Variants in PSMA1 observed in about 807,000 individuals in gnomAD.
The protein encoded by PSMA1 is proteasome 20S subunit alpha 1, also known as proteasome subunit alpha type-1.
PSMA1 carries 3 observed loss-of-function variants against 38.4 expected under a neutral mutation model. The ratio of observed to expected loss-of-function variants is 0.08; its 90% CI spans 0.04 to 0.20. PSMA1 has a LOEUF of 0.20. Among genes scored for constraint, PSMA1 ranks in the 10% least tolerant of loss-of-function variants. The pLI is 1.00. For missense variants in PSMA1, 227 were observed against 325.3 expected (o/e 0.70, Z 2.32); for synonymous variants, 101 against 107.1 (o/e 0.94, Z 0.35).
At chr11:14,512,888 TGTCCAA>T (rs536172552) in intron 7 of PSMA1, among the ~76,000 whole-genome samples, 3 of 152,352 alleles carry the variant, frequency 2.0e-5, no homozygotes, top group African/African-American at 7.2e-5. Context: ...CAAGCTTATT[TGTCCAA>T]GGAATCCTCT....
chr11:14,558,189 G>C (rs1023423913), intron 2 of PSMA1, among the ~76,000 whole-genome samples: 25 of 140,648 alleles, frequency 1.8e-4, no homozygotes, highest in African/African-American at 5.1e-4. Flanking sequence ...ACGGTGGGGG[G>C]ACTGCTTAAG....
intron 2 of PSMA1, among the ~76,000 whole-genome samples, chr11:14,603,849 T>G (rs1333188737): frequency 6.6e-6 from 1 of 152,206 alleles, no homozygotes; most frequent in Admixed American, 6.5e-5. Context: ...TCAAGAAATA[T>G]TCCAGGAATT....
chr11:14,510,569 C>G (rs1035146752), intron 8 of PSMA1, among the ~76,000 whole-genome samples: 1 of 152,106 alleles, frequency 6.6e-6, no homozygotes. Flanking sequence ...TAGAAAGTGC[C>G]TGCACATGGT....
At chr11:14,603,608 T>C (rs1852610063) in intron 2 of PSMA1, among the ~76,000 whole-genome samples, 1 of 152,234 alleles carries the variant, frequency 6.6e-6, no homozygotes, top group Non-Finnish European at 1.5e-5. Context: ...AAATATTCCA[T>C]GCACAGACTA....
intron 2 of PSMA1, among the ~76,000 whole-genome samples, chr11:14,556,886 G>T (rs1361432555): frequency 1.3e-5 from 2 of 152,246 alleles, no homozygotes; most frequent in East Asian, 3.9e-4. Context: ...CCCAGGCTAG[G>T]GTACAGTGGA....
intron 2 of PSMA1, among the ~76,000 whole-genome samples, chr11:14,566,812 C>T (rs970640815): frequency 2.0e-5 from 3 of 152,098 alleles, no homozygotes; most frequent in Non-Finnish European, 4.4e-5. Context: ...TGAAAAGATA[C>T]AAAGAATAAC....
intron 2 of PSMA1, among the ~76,000 whole-genome samples, chr11:14,539,124 G>T (rs1851743862): frequency 6.6e-6 from 1 of 152,156 alleles, no homozygotes; most frequent in African/African-American, 2.4e-5. Flanking sequence ...TAATACACAG[G>T]CAAACTACAC....
At chr11:14,592,970 A>G (rs1852441983) in intron 2 of PSMA1, among the ~76,000 whole-genome samples, 1 of 152,068 alleles carries the variant, frequency 6.6e-6, no homozygotes, top group Non-Finnish European at 1.5e-5. Context: ...AAATTATTCT[A>G]TTTATTTACT....
intron 1 of PSMA1, among the ~76,000 whole-genome samples, chr11:14,631,280 CCTG>C (rs2133719330): frequency 6.6e-6 from 1 of 152,194 alleles, no homozygotes; most frequent in African/African-American, 2.4e-5. Context: ...TTCGATATTT[CCTG>C]CTTTCTCTTG....
intron 4 of PSMA1, among the ~76,000 whole-genome samples, chr11:14,516,189 G>A (rs1030005213): frequency 6.9e-6 from 1 of 144,236 alleles, no homozygotes; most frequent in Admixed American, 7.1e-5. Flanking sequence ...TAGCCTGGGC[G>A]ACAGCGCGAG....
intron 1 of PSMA1, among the ~76,000 whole-genome samples, chr11:14,633,322 G>T (rs1257010074): frequency 1.3e-5 from 2 of 152,120 alleles, no homozygotes; most frequent in East Asian, 1.9e-4. Flanking sequence ...TTTTGGTGTG[G>T]ATGTCCTTTC....
At chr11:14,529,076 G>A (rs1373195766) in intron 2 of PSMA1, among the ~76,000 whole-genome samples, 2 of 144,460 alleles carry the variant, frequency 1.4e-5, no homozygotes, top group Non-Finnish European at 3.0e-5. Flanking sequence ...AGGAGTTCAA[G>A]TTTGCAATGA....
chr11:14,624,410 A>T (rs1852886624), intron 1 of PSMA1, among the ~76,000 whole-genome samples: 1 of 152,216 alleles, frequency 6.6e-6, no homozygotes, highest in Middle Eastern at 3.2e-3. Flanking sequence ...CCATGTCATC[A>T]GCAGGAGGAA....
chr11:14,513,925 A>C (rs1851386740), intron 5 of PSMA1, 38 bp from the exon 6 acceptor site: 1 of 1,553,758 alleles, frequency 6.4e-7, no homozygotes, highest in South Asian at 1.2e-5. Context: ...ACAAGGAATG[A>C]AGTACTGTCT....
intron 2 of PSMA1, among the ~76,000 whole-genome samples, chr11:14,546,132 TTCTCTCTC>T (rs556789029): frequency 6.7e-6 from 1 of 149,954 alleles, no homozygotes; most frequent in African/African-American, 2.4e-5. Context: ...AATTCTACCT[TTCTCTCTC>T]TCTCTCTCTC....
Position 14,517,644 on chromosome 11 carries a change from T to C in PSMA1, c.252A>G (p.Leu84=). 1 of 1,572,946 alleles carries C rather than the reference T, an allele frequency of 6.4e-7. No individual in the cohort carries two copies. Among genetic ancestry groups the C allele is most frequent in the Non-Finnish European group, 8.6e-7 (1 of 1,161,836 alleles). Residue 84 remains leucine (L), a splice_region_variant and synonymous_variant, in exon 4 of 10, where the codon TTA becomes TTG. Coordinates refer to ENST00000396394, the MANE Select transcript of PSMA1 (RefSeq NM_002786.4). ...TTATTTTTCATGATTATACTTACCA[T>C]AACAGTCTAGCATCAGCAGTAAGCC... ...IAGLTADARL[L]CNFMRQECLD... is the part of the protein sequence containing the mutation.
chr11:14,583,661 G>A (rs1461484141), intron 2 of PSMA1, among the ~76,000 whole-genome samples: 1 of 152,200 alleles, frequency 6.6e-6, no homozygotes, highest in East Asian at 1.9e-4. Context: ...TAAAAGCAGG[G>A]TAGGAGAGAG....
intron 2 of PSMA1, among the ~76,000 whole-genome samples, chr11:14,586,601 C>G (rs1852348487): frequency 6.6e-6 from 1 of 152,042 alleles, no homozygotes; most frequent in Non-Finnish European, 1.5e-5. Context: ...TATTCTTTGC[C>G]CAAGGGAAAA....
intron 2 of PSMA1, among the ~76,000 whole-genome samples, chr11:14,589,858 AC>A (rs1852390546): frequency 6.6e-6 from 1 of 152,200 alleles, no homozygotes; most frequent in Non-Finnish European, 1.5e-5. Context: ...CCAACGCTGT[AC>A]ACTCGATTAG....
Sources: allele counts gnomAD v4.1 joint callset (sites outside exome capture counted in the v4.1 genomes callset), GRCh38; gene constraint gnomAD v4.1.1; transcripts MANE v1.5; gene names NCBI Gene and HGNC (gene_info 2026-07-23, HGNC 2026-07-21).